HEATR1: variants seen among roughly 807,000 people sequenced by gnomAD.
HEATR1 encodes the protein HEAT repeat containing 1, also known as HEAT repeat-containing protein 1.
HEATR1 carries 77 observed loss-of-function variants against 248.2 expected under a neutral mutation model. The observed-to-expected ratio is 0.31, with a 90% CI of 0.26 to 0.37. HEATR1 has a LOEUF of 0.37. Among genes scored for constraint, HEATR1 ranks in the 10% least tolerant of loss-of-function variants. The pLI is 1.00. For synonymous variants in HEATR1, 897 were observed against 923.1 expected, an observed-to-expected ratio of 0.97 and a Z score of 0.51; for missense variants, 2,420 against 2,504.9, an observed-to-expected ratio of 0.97 and a Z score of 0.72.
chr1:236,595,055 G>A (rs1664135424), intron 8 of HEATR1, among the ~76,000 whole-genome samples: 1 of 126,780 alleles, frequency 7.9e-6, no homozygotes, highest in Admixed American at 8.5e-5. Context: ...TGAGCCACCT[G>A]GCCCTCTAAT....
In HEATR1 at chr1:236,595,691, T is replaced by C; in HGVS notation, c.957-18A>G. The C allele has an allele frequency of 6.2e-7, 1 of 1,605,730 alleles. No individual in the cohort carries two copies. The highest frequency in any genetic ancestry group is 8.5e-7 in the Non-Finnish European group (1 of 1,174,762). ...GGAATGGCCTTTGAAGAAGCAAAAG[T>C]ACATATCGTGTTGACTTTACAAGTT... On this transcript the variant is annotated intron_variant, in intron 7 of 44. Coordinates refer to ENST00000366582, the MANE Select transcript of HEATR1 (RefSeq NM_018072.6).
At chr1:236,560,182 T>C (rs939923717) in intron 33 of HEATR1, among the ~76,000 whole-genome samples, 32 of 152,094 alleles carry the variant, frequency 2.1e-4, no homozygotes, top group Non-Finnish European at 4.4e-5. Flanking sequence ...CAGGGAGTTA[T>C]GGCCCTAGGT....
At chr1:236,585,572 T>C (rs191782245) in intron 16 of HEATR1, among the ~76,000 whole-genome samples, 48 of 151,834 alleles carry the variant, frequency 3.2e-4, no homozygotes, top group African/African-American at 1.1e-3. Flanking sequence ...TGAGAAAAAA[T>C]GGTGGTAAAA....
At chr1:236,590,483 TCA>T (rs1664003399) in intron 12 of HEATR1, among the ~76,000 whole-genome samples, 1 of 152,134 alleles carries the variant, frequency 6.6e-6, no homozygotes, top group African/African-American at 2.4e-5. Flanking sequence ...GTGATCCTTC[TCA>T]CAGAGTGCTG....
chr1:236,562,030 T>C lies in HEATR1; in HGVS notation c.4600-759A>G, dbSNP rs148569600. ...AACCTCATGGGATCCTGCCAATTGCTTTCTAAAGTGGTTGGAACAATCACA... is the reference window on the plus strand; with the variant it reads ...AACCTCATGGGATCCTGCCAATTGCCTTCTAAAGTGGTTGGAACAATCACA... On this transcript the variant is annotated intron_variant, in intron 32 of 44. Transcript: ENST00000366582. Among the ~76,000 whole-genome samples the C allele has an allele frequency of 2.0e-5, 3 of 152,308 alleles. No homozygotes were observed. In the East Asian group the frequency reaches 5.8e-4, roughly 29 times the overall value.
chr1:236,558,026 A>G (rs1226845466), intron 36 of HEATR1, among the ~76,000 whole-genome samples: 1 of 151,714 alleles, frequency 6.6e-6, no homozygotes, highest in African/African-American at 2.4e-5. Flanking sequence ...GCAGCCTCAA[A>G]CTCCTGGGCT....
Position 236,596,975 on chromosome 1 carries a change from A to G in HEATR1, c.605T>C (p.Val202Ala). ...TGAGCTGCCCGGGTACTCAGCAAAA[A>G]CCTGAAACAAGGAACACAAACAAAA... ...ICSLVTKSVKVFAEYPGSSAQ... is the reference protein window; with the variant it reads ...ICSLVTKSVKAFAEYPGSSAQ... Residue 202 changes from valine to alanine, a missense_variant and splice_region_variant, in exon 6 of 45, where the codon GTT (valine) becomes GCT (alanine). Transcript: ENST00000366582. The G allele has an allele frequency of 6.2e-7, 1 of 1,608,986 alleles. No homozygotes were observed. Among genetic ancestry groups the G allele is most frequent in the Non-Finnish European group, 8.5e-7 (1 of 1,178,704 alleles).
At position 236,581,351 on chromosome 1, in the gene HEATR1, TAGAACC is replaced by T. The variant is rs1663732836; in HGVS notation, c.2620_2625del (p.Gly874_Ser875del). 1 of 1,609,192 alleles carries T rather than the reference TAGAACC, an allele frequency of 6.2e-7. No homozygotes were observed. ...CTGCAGTTTAGTGGATTTGAAAGGCTAGAACCATAGGTCCATAAAACAGAACAGAAC... is the reference window on the plus strand; with the variant it reads ...CTGCAGTTTAGTGGATTTGAAAGGCTATAGGTCCATAAAACAGAACAGAAC... On this transcript the variant is annotated inframe_deletion, in exon 20 of 45. Transcript: ENST00000366582.
chr1:236,553,533 T>C (rs115237098), intron 43 of HEATR1, 48 bp downstream of exon 43: 48,432 of 1,584,614 alleles, frequency 0.031, 1,151 homozygotes, highest in Admixed American at 0.12. Context: ...CTGTTTAGGC[T>C]ATGCAGTGAA....
intron 31 of HEATR1, among the ~76,000 whole-genome samples, chr1:236,565,640 C>G (rs1386861217): frequency 6.6e-6 from 1 of 152,184 alleles, no homozygotes; most frequent in African/African-American, 2.4e-5. Context: ...AGGTCCTGAT[C>G]ATTTACTGTC....
At chr1:236,596,293 G>C (rs1394115344) in intron 6 of HEATR1, among the ~76,000 whole-genome samples, 1 of 152,158 alleles carries the variant, frequency 6.6e-6, no homozygotes, top group Non-Finnish European at 1.5e-5. Context: ...CACATGTCCT[G>C]ACAGGAGCCA....
rs945345124 is a variant in HEATR1, at chr1:236,582,174, C to T, written c.2562+562G>A. ...GGCTGGAGTGCAGTGGAGCGATCTC[C>T]GCTCACTGCAAGCTCCACCTCCCAG... On this transcript the variant is annotated intron_variant, in intron 19 of 44. Transcript: ENST00000366582. Among the ~76,000 whole-genome samples the T allele has an allele frequency of 6.6e-5, 10 of 151,236 alleles. No homozygotes were observed. In the East Asian group the frequency reaches 1.2e-3, roughly 18 times the overall value.
chr1:236,574,117 TA>T, intron 24 of HEATR1, 84 bp downstream of exon 24: 1 of 1,251,184 alleles, frequency 8.0e-7, no homozygotes, highest in Non-Finnish European at 1.1e-6. Flanking sequence ...ACAAGCACTA[TA>T]AAATACAGGA....
At chr1:236,554,828 AC>A (rs2103123546) in intron 41 of HEATR1, 76 bp from the exon 42 acceptor site, 1 of 1,282,764 alleles carries the variant, frequency 7.8e-7, no homozygotes, top group Non-Finnish European at 1.1e-6. Context: ...CATTGAAATC[AC>A]TATTAAAATA....
At chr1:236,592,721 A>C in intron 9 of HEATR1, 88 bp from the exon 10 acceptor site, 1 of 586,696 alleles carries the variant, frequency 1.7e-6, no homozygotes, top group Admixed American at 3.1e-5. Context: ...TAGAAATATT[A>C]TCTCTAATTG....
chr1:236,576,628 G>A, intron 21 of HEATR1, 152 bp downstream of exon 21: 1 of 699,876 alleles, frequency 1.4e-6, no homozygotes, highest in Non-Finnish European at 2.3e-6. Context: ...AAAAGTAGGG[G>A]GACACAGATG....
chr1:236,582,983 C>T (rs1406593531), intron 18 of HEATR1, 30 bp downstream of exon 18: 2 of 1,609,826 alleles, frequency 1.2e-6, no homozygotes, highest in Admixed American at 1.7e-5. Flanking sequence ...CAGAGTATCA[C>T]ATTTAAAAGA....
Position 236,581,298 on chromosome 1 carries a change from A to G in HEATR1, c.2679T>C (p.Ala893=), listed in dbSNP as rs533767841. ...CSVKTVLQTQ[A]LYVGCAMLSS... is the part of the protein sequence containing the mutation. ...AAAGCATTGCACAGCCCACATAAAG[A>G]GCTTGAGTCTGCAGCACTGTTTTCA... is the stretch of plus-strand genomic sequence containing the variant. The change falls in exon 20 of 45, where the codon GCT becomes GCC. Residue 893 remains alanine, a synonymous_variant. Transcript: ENST00000366582. The G allele has an allele frequency of 2.5e-6, 4 of 1,613,678 alleles. No individual in the cohort carries two copies. The South Asian group carries it at 3.3e-5, about 13-fold the overall frequency.
rs1663782792 is a variant in HEATR1, at chr1:236,582,618, G to A, written c.2562+118C>T. Reference sequence around the variant, plus strand: ...GAGTTTCACTATGTTGGCCAGGCTGGTATTGAACTCCTGACCTCAAGTGAT... The same window carrying A: ...GAGTTTCACTATGTTGGCCAGGCTGATATTGAACTCCTGACCTCAAGTGAT... On this transcript the variant is annotated intron_variant, in intron 19 of 44. Coordinates refer to ENST00000366582, the MANE Select transcript of HEATR1 (RefSeq NM_018072.6). 4 of 967,130 alleles carry A rather than the reference G, an allele frequency of 4.1e-6. No homozygotes were observed. The African/African-American group carries it at 4.9e-5, about 12-fold the overall frequency. The allele number at this position is 967,130 out of a possible 1,614,324, so 59.9% of individuals were successfully genotyped here.
Sources: allele counts gnomAD v4.1 joint callset (sites outside exome capture counted in the v4.1 genomes callset), GRCh38; gene constraint gnomAD v4.1.1; transcripts MANE v1.5; gene names NCBI Gene and HGNC (gene_info 2026-07-23, HGNC 2026-07-21).